The following SHC2 variants were observed in gnomAD, a reference collection of about 807,000 sequenced individuals.
SHC2 encodes SHC adaptor protein 2.
SHC2 carries 62 observed loss-of-function variants against 60.6 expected under a neutral mutation model. The ratio of observed to expected loss-of-function variants is 1.02; its 90% CI spans 0.83 to 1.26. The LOEUF (loss-of-function observed/expected upper bound fraction) is 1.26, where lower values mean the gene tolerates loss of function less well. Among genes scored for constraint, SHC2 ranks in the 50% most tolerant of loss-of-function variants. SHC2 has a pLI of 0.00. For synonymous variants in SHC2, 375 were observed against 372.4 expected, an observed-to-expected ratio of 1.01 and a Z score of -0.08; for missense variants, 873 against 822.2, an observed-to-expected ratio of 1.06 and a Z score of -0.76.
At chr19:417,557 A>G (rs1054752505) in intron 12 of SHC2, among the ~76,000 whole-genome samples, 1 of 152,240 alleles carries the variant, frequency 6.6e-6, no homozygotes, top group African/African-American at 2.4e-5. Context: ...CGTGCAAGCA[A>G]GAATGCCGAT....
chr19:428,841 G>A (rs939858903), intron 9 of SHC2, among the ~76,000 whole-genome samples: 2 of 152,080 alleles, frequency 1.3e-5, no homozygotes, highest in Non-Finnish European at 1.5e-5. Flanking sequence ...CTGTGTGGAT[G>A]ACGCAGTACC....
intron 8 of SHC2, among the ~76,000 whole-genome samples, chr19:434,502 G>A (rs1356963906): frequency 5.7e-4 from 81 of 142,444 alleles, no homozygotes; most frequent in Middle Eastern, 3.9e-3. Context: ...GTGAAATCAT[G>A]AGTGAGATCG....
In SHC2 at chr19:436,333, G is replaced by A. The variant is rs369746909; in HGVS notation, c.827-42C>T. On this transcript the variant is annotated intron_variant, in intron 6 of 12. Coordinates refer to ENST00000264554, the MANE Select transcript of SHC2 (RefSeq NM_012435.3). Reference sequence around the variant, plus strand: ...CATGCAGCCTCCGAGCCACACGGCCGTGCCCCCCAGCCACAGGACCCCCAC... The same window carrying A: ...CATGCAGCCTCCGAGCCACACGGCCATGCCCCCCAGCCACAGGACCCCCAC... 1.4e-4 allele frequency: 216 copies of A among 1,589,444 alleles called. 1 individual carries two copies. The highest frequency in any genetic ancestry group is 5.3e-4 in the East Asian group (23 of 43,696).
chr19:449,685 C>T (rs761137864), intron 1 of SHC2, among the ~76,000 whole-genome samples: 26 of 152,010 alleles, frequency 1.7e-4, no homozygotes, highest in East Asian at 3.9e-4. Flanking sequence ...CGCTTGAACC[C>T]GGGAGGCGGA....
rs1467804519 is a variant in SHC2, at chr19:427,455, G to GGGGGAATTGCACACGGCACAGGGAA, written c.1175-2249_1175-2225dup. ...TGCCCATCAGGAATGGCTTGGGTAAGGGGGAATTGCACACGGCACAGGGAA... is the reference window on the plus strand; with the variant it reads ...TGCCCATCAGGAATGGCTTGGGTAAGGGGGAATTGCACACGGCACAGGGAAGGGGAATTGCACACGGCACAGGGAA... On this transcript the variant is annotated intron_variant, in intron 9 of 12. Transcript: ENST00000264554. Among the ~76,000 whole-genome samples the GGGGGAATTGCACACGGCACAGGGAA allele has an allele frequency of 1.6e-4, 24 of 149,192 alleles. 1 individual carries two copies. Among genetic ancestry groups the GGGGGAATTGCACACGGCACAGGGAA allele is most frequent in the African/African-American group, 5.7e-4 (23 of 40,392 alleles).
At chr19:449,566 G>A (rs1044380855) in intron 1 of SHC2, among the ~76,000 whole-genome samples, 19 of 152,056 alleles carry the variant, frequency 1.2e-4, no homozygotes, top group Admixed American at 1.1e-3. Flanking sequence ...ATACCCTAGC[G>A]TGTTTGAGGG....
At chr19:460,423 A>C in intron 1 of SHC2, 106 bp downstream of exon 1, 1 of 377,278 alleles carries the variant, frequency 2.7e-6, no homozygotes, top group Non-Finnish European at 4.0e-6. Context: ...AGCAGGAAGG[A>C]TGGGGAGGGG....
chr19:426,297 G>A (rs544095467), intron 9 of SHC2, among the ~76,000 whole-genome samples: 2 of 152,356 alleles, frequency 1.3e-5, no homozygotes, highest in South Asian at 4.1e-4. Context: ...GCTTCTTAGG[G>A]TCAGGATGGG....
chr19:427,897 G>C (rs1445086953), intron 9 of SHC2, among the ~76,000 whole-genome samples: 1 of 149,384 alleles, frequency 6.7e-6, no homozygotes. Context: ...AACTGCACAC[G>C]GCGCAGGGAA....
At chr19:421,683 C>T (rs562827027) in intron 11 of SHC2, among the ~76,000 whole-genome samples, 2 of 152,016 alleles carry the variant, frequency 1.3e-5, no homozygotes, top group Non-Finnish European at 2.9e-5. Context: ...AACTGGGAGG[C>T]CAAGGCAGGA....
rs148626479 is a variant in SHC2 at position 436,742 on chromosome 19, G to A, written c.721-59C>T. ...GCCCCGCTTCGAGGGCAGGGGGCCCGGCAGATGGACCAGGACCACAGCGAA... is the reference window on the plus strand; with the variant it reads ...GCCCCGCTTCGAGGGCAGGGGGCCCAGCAGATGGACCAGGACCACAGCGAA... On this transcript the variant is annotated intron_variant, in intron 4 of 12. Coordinates refer to ENST00000264554, the MANE Select transcript of SHC2 (RefSeq NM_012435.3). 1,316 of 1,493,716 alleles carry A rather than the reference G, an allele frequency of 8.8e-4. 9 individuals are homozygous for A. In the African/African-American group the frequency reaches 0.011, roughly 12 times the overall value. 92.5% of individuals were successfully genotyped at this position (1,493,716 alleles called of 1,614,324 possible).
rs577864136 is a variant in SHC2 at position 434,616 on chromosome 19, G to A, written c.1110+93C>T. On this transcript the variant is annotated intron_variant, in intron 8 of 12. Transcript: ENST00000264554. ...TGAGAGACCCTCCTCTAGGATCGAG[G>A]AGAACAGGAGCAGAAAGAAGAGCTG... 1.3e-5 allele frequency: 17 copies of A among 1,280,716 alleles called. No individual in the cohort carries two copies. In the African/African-American group the frequency reaches 2.2e-4, roughly 16 times the overall value. The allele number at this position is 1,280,716 out of a possible 1,614,324, so 79.3% of individuals were successfully genotyped here. A position where few individuals can be genotyped will look rare whatever the true frequency, so the allele number is the denominator to read the frequency against.
intron 2 of SHC2, 65 bp from the exon 3 acceptor site, chr19:439,095 A>T: frequency 3.5e-6 from 2 of 573,524 alleles, no homozygotes; most frequent in Non-Finnish European, 2.8e-6. Flanking sequence ...GCTGGGGAGG[A>T]AGGGGTCAGA....
In SHC2 at chr19:438,011, G is replaced by A. The variant is rs1974763347; in HGVS notation, c.720+707C>T. On this transcript the variant is annotated intron_variant, in intron 4 of 12. Coordinates refer to ENST00000264554, the MANE Select transcript of SHC2 (RefSeq NM_012435.3). This position sits in a 1 kb window ranked among gnomAD's most constrained non-coding sequence, Gnocchi z 5.0. ...TTGTTTTTTGGTTTTTTGAGACAGAGTCTCACTCTGTTGCCCAGGCTGGAG... is the reference window on the plus strand; with the variant it reads ...TTGTTTTTTGGTTTTTTGAGACAGAATCTCACTCTGTTGCCCAGGCTGGAG... 1.3e-5 allele frequency among the ~76,000 whole-genome samples: 2 copies of A among 152,164 alleles called. No individual in the cohort carries two copies. Among genetic ancestry groups the A allele is most frequent in the Non-Finnish European group, 2.9e-5 (2 of 68,040 alleles).
At chr19:458,808 G>C (rs1183549886) in intron 1 of SHC2, among the ~76,000 whole-genome samples, 1 of 145,186 alleles carries the variant, frequency 6.9e-6, no homozygotes, top group Non-Finnish European at 1.5e-5. Context: ...CTGGGGAGGC[G>C]GAAGCGGGTC....
At chr19:434,453 A>AC (rs1252350911) in intron 8 of SHC2, among the ~76,000 whole-genome samples, 3 of 1,428 alleles carry the variant, frequency 2.1e-3, no homozygotes, top group Non-Finnish European at 2.8e-3. Context: ...AGTCTGTGAG[A>AC]TAGTGAGCAA....
At position 460,733 on chromosome 19, in the gene SHC2, G is replaced by A; in HGVS notation, c.264C>T (p.Ala88=). 2.0e-6 allele frequency: 2 copies of A among 981,734 alleles called. No individual in the cohort carries two copies. Among genetic ancestry groups the A allele is most frequent in the Non-Finnish European group, 2.4e-6 (2 of 829,272 alleles). 60.8% of individuals were successfully genotyped at this position (981,734 alleles called of 1,614,324 possible). A position where few individuals can be genotyped will look rare whatever the true frequency, so the allele number is the denominator to read the frequency against. Residue 88 remains alanine (A), a synonymous_variant, in exon 1 of 13, where the codon GCC becomes GCT. Transcript: ENST00000264554. ...TGAGCGCGGGCAGGGGACAGGGCGCGGCGCAGCGGGGCTCGCAGGCGCCCA... is the reference window on the plus strand; with the variant it reads ...TGAGCGCGGGCAGGGGACAGGGCGCAGCGCAGCGGGGCTCGCAGGCGCCCA... The part of the protein sequence containing the change: ...AVLGACEPRC[A]APCPLPALSR...
Position 425,256 on chromosome 19 carries a change from G to A in SHC2, c.1175-25C>T, listed in dbSNP as rs1222513248. On this transcript the variant is annotated intron_variant, in intron 9 of 12. Transcript: ENST00000264554. The surrounding 1 kb of genome is among the most constrained non-coding windows in gnomAD (Gnocchi z 4.1). ...GCTGGGGAGTGTAAAGAGGGGCAGG[G>A]GGTCAGCTGGGAGCCAGGCGAGGGG... The A allele has an allele frequency of 1.6e-5, 21 of 1,314,174 alleles. No individual in the cohort carries two copies. The East Asian group carries it at 5.3e-4, about 33-fold the overall frequency. The allele number at this position is 1,314,174 out of a possible 1,614,324, so 81.4% of individuals were successfully genotyped here. A position where few individuals can be genotyped will look rare whatever the true frequency, so the allele number is the denominator to read the frequency against.
chr19:454,015 A>G (rs115218389), intron 1 of SHC2, among the ~76,000 whole-genome samples: 601 of 152,326 alleles, frequency 3.9e-3, no homozygotes, highest in African/African-American at 0.013. Context: ...TCCAGGAGAC[A>G]AGCTCTGTGT....
Sources: gnomAD v4.1 joint callset for allele counts (sites outside exome capture counted in the v4.1 genomes callset) on GRCh38, gnomAD v4.1.1 for gene constraint, Gnocchi (gnomAD v3.1) non-coding constraint, MANE v1.5 for transcripts, NCBI Gene and HGNC (gene_info 2026-07-23, HGNC 2026-07-21) for gene names.